The following SOCS5 variants were observed in gnomAD, a reference collection of about 807,000 sequenced individuals.
SOCS5 encodes the protein CIS-6.
SOCS5 carries 32 observed loss-of-function variants against 42.8 expected under a neutral mutation model. That is an observed-to-expected ratio of 0.75 (90% CI 0.56 to 1.01). SOCS5 has a LOEUF of 1.01. Among genes scored for constraint, SOCS5 ranks in the 50% least tolerant of loss-of-function variants. SOCS5 has a pLI of 0.00. For synonymous variants in SOCS5, 283 were observed against 229.6 expected (o/e 1.23, Z -2.10); for missense variants, 627 against 653.0 (o/e 0.96, Z 0.43).
At chr2:46,737,843 T>C (rs1673286391) in intron 1 of SOCS5, among the ~76,000 whole-genome samples, 1 of 151,792 alleles carries the variant, frequency 6.6e-6, no homozygotes, top group South Asian at 2.1e-4. Flanking sequence ...CTCTGATACC[T>C]TTCTGTCCTT....
At chr2:46,705,209 A>G (rs1672435346) in intron 1 of SOCS5, among the ~76,000 whole-genome samples, 1 of 152,246 alleles carries the variant, frequency 6.6e-6, no homozygotes, top group Admixed American at 6.5e-5. Context: ...AAACTCAAGG[A>G]GAGGGCTGTA....
At chr2:46,712,184 A>T (rs1204551292) in intron 1 of SOCS5, among the ~76,000 whole-genome samples, 4 of 152,162 alleles carry the variant, frequency 2.6e-5, no homozygotes, top group Admixed American at 1.3e-4. Context: ...CATGAACATA[A>T]TATAGCTCTA....
chr2:46,700,068 G>T (rs1019259188), intron 1 of SOCS5, among the ~76,000 whole-genome samples: 6 of 152,196 alleles, frequency 3.9e-5, no homozygotes, highest in African/African-American at 1.4e-4. Flanking sequence ...CAACTACTTG[G>T]GCTCCTAAGA....
At chr2:46,749,093 G>A (rs1408451996) in intron 1 of SOCS5, among the ~76,000 whole-genome samples, 1 of 152,112 alleles carries the variant, frequency 6.6e-6, no homozygotes, top group African/African-American at 2.4e-5. Flanking sequence ...ATCAGTAGAG[G>A]CAGTGCTGAC....
At chr2:46,727,906 A>C (rs1433534409) in intron 1 of SOCS5, among the ~76,000 whole-genome samples, 3 of 152,038 alleles carry the variant, frequency 2.0e-5, no homozygotes, top group Non-Finnish European at 4.4e-5. Flanking sequence ...GATTGCACCC[A>C]CATCCAGGGC....
At chr2:46,758,044 C>T (rs561589864) in intron 1 of SOCS5, among the ~76,000 whole-genome samples, 1 of 152,060 alleles carries the variant, frequency 6.6e-6, no homozygotes, top group Admixed American at 6.5e-5. Flanking sequence ...TTGCAAGGAA[C>T]CAGTTAAGTA....
chr2:46,722,782 G>A lies in SOCS5; in HGVS notation c.-13+23333G>A, dbSNP rs1488403350. Among the ~76,000 whole-genome samples the A allele has an allele frequency of 3.9e-5, 6 of 152,078 alleles. No individual in the cohort carries two copies. In the East Asian group the frequency reaches 1.2e-3, roughly 29 times the overall value. On this transcript the variant is annotated intron_variant, in intron 1 of 1. Transcript: ENST00000394861. The stretch of plus-strand genomic sequence containing the variant: ...CTGTTTTCAAGAATAGCTGAAAACA[G>A]CCCCACTCACAATGTTATGAGAGTT...
chr2:46,717,951 C>G (rs931566534), intron 1 of SOCS5, among the ~76,000 whole-genome samples: 1 of 152,186 alleles, frequency 6.6e-6, no homozygotes, highest in African/African-American at 2.4e-5. Flanking sequence ...AGTCTCTAGG[C>G]AAAGATTCCG....
Position 46,759,817 on chromosome 2 carries a change from A to C in SOCS5, c.1287A>C (p.Arg429=), listed in dbSNP as rs150195911. 1 of 1,614,054 alleles carries C rather than the reference A, an allele frequency of 6.2e-7. No homozygotes were observed. The highest frequency in any genetic ancestry group is 1.3e-5 in the African/African-American group (1 of 74,932). Residue 429 remains arginine, a synonymous_variant, in exon 2 of 2, where the codon CGA becomes CGC. Coordinates refer to ENST00000394861, the MANE Select transcript of SOCS5 (RefSeq NM_144949.3). ...FRRYNRSLHA[R]IEQWNHNFSF... Reference sequence around the variant, plus strand: ...GCTACAACAGATCCCTGCATGCCCGAATTGAGCAGTGGAATCACAACTTTA... The same window carrying C: ...GCTACAACAGATCCCTGCATGCCCGCATTGAGCAGTGGAATCACAACTTTA...
chr2:46,759,423 A>G lies in SOCS5; in HGVS notation c.893A>G (p.Lys298Arg), dbSNP rs753742530. 6.2e-7 allele frequency: 1 copy of G among 1,613,974 alleles called. No homozygotes were observed. The highest frequency in any genetic ancestry group is 8.5e-7 in the Non-Finnish European group (1 of 1,179,856). Residue 298 changes from lysine (K) to arginine (R), a missense_variant, in exon 2 of 2, where the codon AAA (lysine) becomes AGA (arginine). Physicochemically the swap from Lys to Arg is conservative, Grantham distance 26. Around this residue, in one of 3 missense-constraint regions of SOCS5, gnomAD observed 340 missense variants for 367.6 expected, o/e 0.92. Coordinates refer to ENST00000394861, the MANE Select transcript of SOCS5 (RefSeq NM_144949.3). ...ACTGCACAGGTTAATCCATTATATA[A>G]ACTGGGACCAAAATTAGCTCCTGGA... ...EATAQVNPLYKLGPKLAPGMT... is the reference protein window; with the variant it reads ...EATAQVNPLYRLGPKLAPGMT...
chr2:46,706,833 G>A (rs1672503645), intron 1 of SOCS5, among the ~76,000 whole-genome samples: 1 of 152,030 alleles, frequency 6.6e-6, no homozygotes, highest in African/African-American at 2.4e-5. Context: ...GCAGGCAGAG[G>A]GAATAGTAGT....
At chr2:46,721,453 AT>A (rs1257864127) in intron 1 of SOCS5, among the ~76,000 whole-genome samples, 1 of 152,230 alleles carries the variant, frequency 6.6e-6, no homozygotes, top group Non-Finnish European at 1.5e-5. Context: ...CAAATTTTAC[AT>A]TTTAGCATAA....
At chr2:46,715,069 A>G (rs1420028145) in intron 1 of SOCS5, among the ~76,000 whole-genome samples, 2 of 152,066 alleles carry the variant, frequency 1.3e-5, no homozygotes, top group Admixed American at 6.6e-5. Flanking sequence ...CTGCTTTGTC[A>G]GGCAGTTACC....
At chr2:46,744,590 C>G (rs1291806839) in intron 1 of SOCS5, among the ~76,000 whole-genome samples, 1 of 151,118 alleles carries the variant, frequency 6.6e-6, no homozygotes, top group Non-Finnish European at 1.5e-5. Context: ...TGCAATGGCA[C>G]TATCTTGGCT....
Position 46,760,802 on chromosome 2 carries a change from A to G in SOCS5, c.*661A>G, listed in dbSNP as rs1219907184. 3 of 167,126 alleles carry G rather than the reference A, an allele frequency of 1.8e-5. No individual in the cohort carries two copies. The highest frequency in any genetic ancestry group is 7.2e-5 in the African/African-American group (3 of 41,472). The allele number at this position is 167,126 out of a possible 1,614,324, so 10.4% of individuals were successfully genotyped here. On this transcript the variant is annotated 3_prime_UTR_variant, in exon 2 of 2. Coordinates refer to ENST00000394861, the MANE Select transcript of SOCS5 (RefSeq NM_144949.3). ...CAAAGCTAGTAGTAGAATTTTATTG[A>G]AAGGCCTAGGTATTAATTTTTTAAA...
intron 1 of SOCS5, among the ~76,000 whole-genome samples, chr2:46,702,510 A>C (rs749159118): frequency 6.6e-6 from 1 of 152,242 alleles, no homozygotes; most frequent in Non-Finnish European, 1.5e-5. Context: ...TCCAGTGAAA[A>C]TACAGTACTA....
At chr2:46,716,711 A>T (rs1572832812) in intron 1 of SOCS5, among the ~76,000 whole-genome samples, 1 of 152,270 alleles carries the variant, frequency 6.6e-6, no homozygotes, top group Admixed American at 6.5e-5. Flanking sequence ...ACTTCTATCA[A>T]GCAGTCCTTC....
At chr2:46,728,880 A>G (rs368298451) in intron 1 of SOCS5, among the ~76,000 whole-genome samples, 4 of 152,016 alleles carry the variant, frequency 2.6e-5, no homozygotes, top group African/African-American at 7.2e-5. Flanking sequence ...CTGACCCCCA[A>G]AGCTTTTCCA....
intron 1 of SOCS5, among the ~76,000 whole-genome samples, chr2:46,739,199 CAA>C (rs1280509190): frequency 6.6e-6 from 1 of 151,536 alleles, no homozygotes; most frequent in East Asian, 1.9e-4. Context: ...CATATGGAGT[CAA>C]AGAGAAAAAA....
Sources: allele counts gnomAD v4.1 joint callset (sites outside exome capture counted in the v4.1 genomes callset), GRCh38; gene constraint gnomAD v4.1.1; regional missense constraint gnomAD v4.1.1; transcripts MANE v1.5; gene names NCBI Gene and HGNC (gene_info 2026-07-23, HGNC 2026-07-21).